The following SPIRE1 variants were observed in gnomAD, a reference collection of about 807,000 sequenced individuals.
SPIRE1 encodes spire type actin nucleation factor 1, also known as protein spire homolog 1.
SPIRE1 carries 40 observed loss-of-function variants against 94.1 expected under a neutral mutation model. The ratio of observed to expected loss-of-function variants is 0.43; its 90% confidence interval spans 0.33 to 0.55. The LOEUF is 0.55. Among genes scored for constraint, SPIRE1 ranks in the 20% least tolerant of loss-of-function variants. The pLI is 0.06. For missense variants in SPIRE1, 838 were observed against 975.2 expected, an observed-to-expected ratio of 0.86 and a Z score of 1.87; for synonymous variants, 376 against 371.7, an observed-to-expected ratio of 1.01 and a Z score of -0.13.
At chr18:12,478,605 T>C (rs771388210) in intron 10 of SPIRE1, among the ~76,000 whole-genome samples, 4 of 151,128 alleles carry the variant, frequency 2.6e-5, no homozygotes. Flanking sequence ...TGTGTGTAGC[T>C]AGGGTGTGTG....
Position 12,454,090 on chromosome 18 carries a change from TG to T in SPIRE1, c.1776+255del, listed in dbSNP as rs374436129. ...GAGCCACCATGCCTGGCCACATGCA[TG>T]GTTTTAGGAAGACATATCGATATTT... is the stretch of plus-strand genomic sequence containing the variant. On this transcript the variant is annotated intron_variant, in intron 13 of 16. Transcript: ENST00000409402. Among the ~76,000 whole-genome samples the T allele has an allele frequency of 3.6e-4, 55 of 152,276 alleles. 1 individual carries two copies. The East Asian group carries it at 7.2e-3, about 20-fold the overall frequency.
At chr18:12,508,112 C>A (rs2033900464) in intron 5 of SPIRE1, among the ~76,000 whole-genome samples, 1 of 151,826 alleles carries the variant, frequency 6.6e-6, no homozygotes, top group Non-Finnish European at 1.5e-5. Context: ...TGCCACTGCA[C>A]TCCAGCCTGA....
intron 2 of SPIRE1, among the ~76,000 whole-genome samples, chr18:12,615,327 C>CAA (rs1234229698): frequency 0.04 from 87 of 2,186 alleles, 13 homozygotes; most frequent in African/African-American, 0.11. Flanking sequence ...AACTCTGTCT[C>CAA]AAAAAAAAAA....
At chr18:12,597,348 G>T (rs544156481) in intron 2 of SPIRE1, among the ~76,000 whole-genome samples, 1 of 152,146 alleles carries the variant, frequency 6.6e-6, no homozygotes, top group Admixed American at 6.5e-5. Flanking sequence ...GAGCTAGAGG[G>T]GCTCCAGAGC....
intron 12 of SPIRE1, among the ~76,000 whole-genome samples, chr18:12,462,512 T>G (rs914328650): frequency 6.6e-6 from 1 of 152,192 alleles, no homozygotes; most frequent in African/African-American, 2.4e-5. Flanking sequence ...TGGCAAACCC[T>G]TGTGTGCTGC....
chr18:12,565,083 G>A (rs1365041603), intron 2 of SPIRE1, among the ~76,000 whole-genome samples: 8 of 152,074 alleles, frequency 5.3e-5, no homozygotes, highest in African/African-American at 1.9e-4. Flanking sequence ...AAATTTTAAA[G>A]AACATCGAGC....
chr18:12,623,100 G>A (rs999876774), intron 2 of SPIRE1, among the ~76,000 whole-genome samples: 3 of 120,044 alleles, frequency 2.5e-5, no homozygotes, highest in Admixed American at 8.0e-5. Flanking sequence ...AGTAGGGTAT[G>A]AAGTGATTTT....
intron 2 of SPIRE1, among the ~76,000 whole-genome samples, chr18:12,622,419 G>GTCT (rs2037498199): frequency 1.1e-5 from 1 of 91,832 alleles, no homozygotes; most frequent in Non-Finnish European, 2.6e-5. Context: ...GCTATGTCCA[G>GTCT]TCTTTTTTTT....
At chr18:12,493,626 C>T (rs1213590053) in intron 7 of SPIRE1, among the ~76,000 whole-genome samples, 1 of 152,032 alleles carries the variant, frequency 6.6e-6, no homozygotes, top group Non-Finnish European at 1.5e-5. Context: ...AGGCTGGTCT[C>T]GATCTCCTGA....
intron 3 of SPIRE1, among the ~76,000 whole-genome samples, chr18:12,546,115 A>C (rs994747061): frequency 6.6e-6 from 1 of 151,838 alleles, no homozygotes; most frequent in Non-Finnish European, 1.5e-5. Flanking sequence ...TCAGCCTCCC[A>C]AGTAGCTGGG....
intron 2 of SPIRE1, among the ~76,000 whole-genome samples, chr18:12,620,834 A>G (rs1598543527): frequency 6.6e-6 from 1 of 152,250 alleles, no homozygotes; most frequent in Admixed American, 6.5e-5. Context: ...TCATGCTTCA[A>G]AGGACACCAT....
chr18:12,465,040 G>T, intron 10 of SPIRE1, 82 bp from the exon 11 acceptor site: 1 of 1,243,246 alleles, frequency 8.0e-7, no homozygotes, highest in Non-Finnish European at 1.1e-6. Flanking sequence ...TTATTAAACA[G>T]TTATTTTAAC....
At chr18:12,597,121 C>G (rs1014861823) in intron 2 of SPIRE1, among the ~76,000 whole-genome samples, 8 of 150,844 alleles carry the variant, frequency 5.3e-5, no homozygotes, top group Non-Finnish European at 1.0e-4. Flanking sequence ...AACCTCTATT[C>G]ACGGATTTTT....
intron 1 of SPIRE1, among the ~76,000 whole-genome samples, chr18:12,651,329 G>T (rs2038372817): frequency 1.3e-5 from 2 of 151,964 alleles, no homozygotes; most frequent in South Asian, 4.2e-4. Context: ...TTCCTTTAAT[G>T]ATCAGGATGG....
chr18:12,600,393 G>A (rs2036799472), intron 2 of SPIRE1, among the ~76,000 whole-genome samples: 1 of 152,196 alleles, frequency 6.6e-6, no homozygotes, highest in African/African-American at 2.4e-5. Context: ...AGTCACTTAA[G>A]GTGGTTCTGC....
intron 2 of SPIRE1, among the ~76,000 whole-genome samples, chr18:12,564,715 A>G (rs1325297457): frequency 6.6e-6 from 1 of 152,100 alleles, no homozygotes; most frequent in Non-Finnish European, 1.5e-5. Context: ...GGTGGGAAAA[A>G]TTGAATGGTA....
At chr18:12,594,357 A>G (rs1032800304) in intron 2 of SPIRE1, among the ~76,000 whole-genome samples, 2 of 152,188 alleles carry the variant, frequency 1.3e-5, no homozygotes, top group African/African-American at 2.4e-5. Context: ...AATAATGTCC[A>G]TTATTATGGA....
At chr18:12,619,054 T>C (rs1020756889) in intron 2 of SPIRE1, among the ~76,000 whole-genome samples, 5 of 151,970 alleles carry the variant, frequency 3.3e-5, no homozygotes, top group Admixed American at 6.5e-5. Context: ...CTGGCTAATT[T>C]TGTATTTTTA....
chr18:12,567,569 A>G (rs528247690), intron 2 of SPIRE1, among the ~76,000 whole-genome samples: 109 of 152,352 alleles, frequency 7.2e-4, no homozygotes, highest in Middle Eastern at 3.4e-3. Context: ...CTATCTGTTC[A>G]GAGCCTGTGT....
Sources: allele counts gnomAD v4.1 joint callset (sites outside exome capture counted in the v4.1 genomes callset), GRCh38; gene constraint gnomAD v4.1.1; transcripts MANE v1.5; gene names NCBI Gene and HGNC (gene_info 2026-07-23, HGNC 2026-07-21).